Variants in CEP112 observed in about 807,000 individuals in gnomAD.
CEP112 encodes centrosomal protein of 112 kDa.
In CEP112, 127 loss-of-function variants were observed where a neutral mutation model predicts 153.0. The ratio of observed to expected loss-of-function variants is 0.83; its 90% CI spans 0.72 to 0.96. The LOEUF (loss-of-function observed/expected upper bound fraction) is 0.96. Among genes scored for constraint, CEP112 ranks in the 40% least tolerant of loss-of-function variants. CEP112 has a pLI of 0.00. For missense variants in CEP112, 1,089 were observed against 1,101.2 expected (o/e 0.99, Z 0.16); for synonymous variants, 358 against 374.4 (o/e 0.96, Z 0.51).
intron 11 of CEP112, 109 bp downstream of exon 11, chr17:66,062,853 AT>A (rs1471347261): frequency 2.0e-6 from 1 of 511,304 alleles, no homozygotes; most frequent in African/African-American, 2.0e-5. Flanking sequence ...AATTTTAGTT[AT>A]TTTTTAAACT....
intron 12 of CEP112, among the ~76,000 whole-genome samples, chr17:66,049,737 GAAACTTCATCTCAAAAAAGT>G (rs1336685012): frequency 6.6e-6 from 1 of 152,136 alleles, no homozygotes; most frequent in Non-Finnish European, 1.5e-5. Flanking sequence ...GCGACAGAGT[GAAACTTCATCTCAAAAAAGT>G]AAATAAATAA....
At chr17:65,838,576 A>C (rs1322012460) in intron 21 of CEP112, among the ~76,000 whole-genome samples, 1 of 152,144 alleles carries the variant, frequency 6.6e-6, no homozygotes, top group East Asian at 1.9e-4. Context: ...AAACAATCTA[A>C]CACTGCACTT....
At chr17:65,966,693 A>G (rs1167673792) in intron 17 of CEP112, among the ~76,000 whole-genome samples, 1 of 152,246 alleles carries the variant, frequency 6.6e-6, no homozygotes, top group Non-Finnish European at 1.5e-5. Context: ...TATTTAAAAT[A>G]ACAACTTTCA....
chr17:65,639,907 G>A (rs115615581), intron 25 of CEP112, among the ~76,000 whole-genome samples: 1,799 of 135,626 alleles, frequency 0.013, 46 homozygotes, highest in African/African-American at 0.048. Flanking sequence ...GCGTGACCTC[G>A]GCTCACTGCA....
rs761846121 is a variant in CEP112, at chr17:66,096,642, T to C, written c.643-10A>G. On this transcript the variant is annotated splice_polypyrimidine_tract_variant and intron_variant, in intron 6 of 26. Coordinates refer to ENST00000535342, the MANE Select transcript of CEP112 (RefSeq NM_001199165.4). ...ATCGAGGATTTTCTATCTGAAAATT[T>C]AAAAATAAAACAAAATAAGGATTTA... 6.5e-7 allele frequency: 1 copy of C among 1,536,678 alleles called. No homozygotes were observed. The highest frequency in any genetic ancestry group is 8.9e-7 in the Non-Finnish European group (1 of 1,118,156).
intron 18 of CEP112, among the ~76,000 whole-genome samples, chr17:65,953,033 TG>T: frequency 6.6e-6 from 1 of 152,314 alleles, no homozygotes; most frequent in East Asian, 1.9e-4. Context: ...ATACATGTAT[TG>T]TAAGCCTTGT....
chr17:65,659,606 T>C (rs1191351553), intron 24 of CEP112, among the ~76,000 whole-genome samples: 1 of 152,186 alleles, frequency 6.6e-6, no homozygotes, highest in African/African-American at 2.4e-5. Context: ...AGCAGAACAT[T>C]TCTTAACACC....
intron 8 of CEP112, among the ~76,000 whole-genome samples, chr17:66,074,945 G>C (rs892299636): frequency 6.6e-6 from 1 of 151,398 alleles, no homozygotes; most frequent in Non-Finnish European, 1.5e-5. Context: ...GAAACAACAG[G>C]CTCCCCAACA....
intron 17 of CEP112, among the ~76,000 whole-genome samples, chr17:66,000,678 G>A (rs994364312): frequency 6.6e-6 from 1 of 152,066 alleles, no homozygotes; most frequent in Non-Finnish European, 1.5e-5. Context: ...CATGATATTT[G>A]GAGCATCTGG....
chr17:65,981,127 T>C (rs774403626), intron 17 of CEP112, among the ~76,000 whole-genome samples: 10 of 152,072 alleles, frequency 6.6e-5, no homozygotes, highest in Admixed American at 6.6e-4. Context: ...TCTTCTTAGG[T>C]TTCTTCACAT....
chr17:65,763,649 ATTTC>A (rs752360469), intron 21 of CEP112, among the ~76,000 whole-genome samples: 70 of 151,974 alleles, frequency 4.6e-4, no homozygotes, highest in Non-Finnish European at 7.1e-4. Context: ...GATCTCTAGC[ATTTC>A]TTTTTCATTC....
intron 23 of CEP112, among the ~76,000 whole-genome samples, chr17:65,737,343 C>T (rs1391222782): frequency 6.6e-6 from 1 of 152,132 alleles, no homozygotes; most frequent in Non-Finnish European, 1.5e-5. Flanking sequence ...CCCCTAGGAT[C>T]ATTATGTTGT....
chr17:65,647,805 C>G (rs2143515925), intron 24 of CEP112, among the ~76,000 whole-genome samples: 1 of 152,142 alleles, frequency 6.6e-6, no homozygotes, highest in South Asian at 2.1e-4. Flanking sequence ...TTTCTATCCC[C>G]ACCTCTGACC....
intron 21 of CEP112, among the ~76,000 whole-genome samples, chr17:65,753,588 A>G (rs2052025665): frequency 1.3e-5 from 2 of 152,194 alleles, no homozygotes; most frequent in South Asian, 4.1e-4. Context: ...TATTATGATT[A>G]AAGCCACTCT....
intron 8 of CEP112, among the ~76,000 whole-genome samples, chr17:66,078,675 ATTTTTG>A (rs1342077756): frequency 6.6e-6 from 1 of 151,498 alleles, no homozygotes; most frequent in Non-Finnish European, 1.5e-5. Context: ...GTTTTTTTTA[ATTTTTG>A]TTTTTGTTTT....
At chr17:65,834,303 T>C (rs1398530853) in intron 21 of CEP112, among the ~76,000 whole-genome samples, 2 of 152,158 alleles carry the variant, frequency 1.3e-5, no homozygotes, top group Non-Finnish European at 2.9e-5. Flanking sequence ...AATGATTTCA[T>C]GACAAAGACA....
intron 4 of CEP112, 73 bp downstream of exon 4, chr17:66,174,971 C>A: frequency 1.9e-6 from 2 of 1,045,016 alleles, no homozygotes; most frequent in East Asian, 2.9e-5. Context: ...AAAGGAAAAA[C>A]AGAATGTATA....
At chr17:65,970,829 A>C (rs1355342299) in intron 17 of CEP112, among the ~76,000 whole-genome samples, 1 of 152,282 alleles carries the variant, frequency 6.6e-6, no homozygotes, top group African/African-American at 2.4e-5. Context: ...TATTGCATGC[A>C]TGCACATTAC....
chr17:65,781,168 C>T (rs371846438), intron 21 of CEP112, among the ~76,000 whole-genome samples: 15 of 152,124 alleles, frequency 9.9e-5, no homozygotes, highest in South Asian at 4.1e-4. Context: ...ATGACCTAGA[C>T]TCAAGGATAC....
Sources: allele counts gnomAD v4.1 joint callset (sites outside exome capture counted in the v4.1 genomes callset), GRCh38; gene constraint gnomAD v4.1.1; transcripts MANE v1.5; gene names NCBI Gene and HGNC (gene_info 2026-07-23, HGNC 2026-07-21).